ADAMTS17: variants seen among roughly 807,000 people sequenced by gnomAD.
The protein encoded by ADAMTS17 is A disintegrin and metalloproteinase with thrombospondin motifs 17.
ADAMTS17 carries 113 observed loss-of-function variants against 141.5 expected under a neutral mutation model. The ratio of observed to expected loss-of-function variants is 0.80; its 90% CI spans 0.69 to 0.93. The LOEUF is 0.93. ADAMTS17 is among the 40% of genes least tolerant of loss of function. The probability of loss-of-function intolerance (pLI) is 0.00; values close to 1 mark genes in which losing one functional copy is unlikely to be tolerated. For synonymous variants in ADAMTS17, 768 were observed against 630.6 expected, an observed-to-expected ratio of 1.22 and a Z score of -3.27; for missense variants, 1,659 against 1,517.9, an observed-to-expected ratio of 1.09 and a Z score of -1.54.
chr15:100,252,090 G>A (rs568028214), intron 7 of ADAMTS17, among the ~76,000 whole-genome samples: 4 of 152,186 alleles, frequency 2.6e-5, no homozygotes, highest in Non-Finnish European at 2.9e-5. Flanking sequence ...TGCTTGATTC[G>A]AAGTAGCTGC....
intron 4 of ADAMTS17, among the ~76,000 whole-genome samples, chr15:100,267,675 C>A (rs1016189374): frequency 2.0e-5 from 3 of 148,936 alleles, no homozygotes; most frequent in South Asian, 2.1e-4. Flanking sequence ...CCTTGCCCCC[C>A]TCCCTGTCTC....
In ADAMTS17 at chr15:99,972,861, G is replaced by A. The variant is rs1183542723; in HGVS notation, c.*1541C>T. 2 of 152,216 alleles carry A rather than the reference G, an allele frequency of 1.3e-5. No individual in the cohort carries two copies. Among genetic ancestry groups the A allele is most frequent in the African/African-American group, 4.8e-5 (2 of 41,452 alleles). The allele number at this position is 152,216 out of a possible 1,614,324, so 9.4% of individuals were successfully genotyped here. On this transcript the variant is annotated 3_prime_UTR_variant, in exon 22 of 22. Coordinates refer to ENST00000268070, the MANE Select transcript of ADAMTS17 (RefSeq NM_139057.4). Reference sequence around the variant, plus strand: ...TCTGATTTAAGCTAACTCTACGGTTGTGACATGTAACAAAACAAAACACAG... The same window carrying A: ...TCTGATTTAAGCTAACTCTACGGTTATGACATGTAACAAAACAAAACACAG...
chr15:100,148,125 C>T (rs2038995592), intron 10 of ADAMTS17, among the ~76,000 whole-genome samples: 1 of 152,238 alleles, frequency 6.6e-6, no homozygotes, highest in South Asian at 2.1e-4. Flanking sequence ...GAAAATCTCC[C>T]CATCTCAAGA....
intron 6 of ADAMTS17, among the ~76,000 whole-genome samples, chr15:100,255,791 C>T (rs1380127504): frequency 3.3e-5 from 5 of 152,326 alleles, no homozygotes; most frequent in Middle Eastern, 3.4e-3. Context: ...CCAAGGCAGG[C>T]GCCATTTTGC....
intron 2 of ADAMTS17, among the ~76,000 whole-genome samples, chr15:100,334,420 T>C (rs983303478): frequency 7.2e-5 from 11 of 152,186 alleles, no homozygotes; most frequent in African/African-American, 2.7e-4. Flanking sequence ...TCAGGTCTCC[T>C]TCTCTAGGTC....
At position 100,123,710 on chromosome 15, in the gene ADAMTS17, T is replaced by C. The variant is rs531390777; in HGVS notation, c.1722-6697A>G. Among the ~76,000 whole-genome samples the C allele has an allele frequency of 9.2e-5, 14 of 152,248 alleles. 1 individual carries two copies. The South Asian group carries it at 2.5e-3, about 27-fold the overall frequency. The stretch of plus-strand genomic sequence containing the variant: ...GGTGCTCCTGACTGCACCCTTTGGG[T>C]GAGGAAATCAACGCTCCAACAGGTG... On this transcript the variant is annotated intron_variant, in intron 12 of 21. Transcript: ENST00000268070.
intron 15 of ADAMTS17, among the ~76,000 whole-genome samples, chr15:100,068,124 G>C (rs1028256784): frequency 1.3e-5 from 2 of 152,186 alleles, no homozygotes; most frequent in African/African-American, 4.8e-5. Flanking sequence ...ATGTCTCGGA[G>C]GGTCCTACAC....
At chr15:100,177,774 T>C (rs570692696) in intron 8 of ADAMTS17, among the ~76,000 whole-genome samples, 82 of 152,318 alleles carry the variant, frequency 5.4e-4, no homozygotes, top group African/African-American at 1.8e-3. Context: ...CATCTAGCTA[T>C]AATTGTGGAT....
intron 7 of ADAMTS17, among the ~76,000 whole-genome samples, chr15:100,201,320 G>A (rs973340641): frequency 6.6e-6 from 1 of 151,046 alleles, no homozygotes; most frequent in African/African-American, 2.4e-5. Flanking sequence ...GGAGTGTTTG[G>A]TAGTTCTTCC....
chr15:100,106,065 C>T (rs2036397603), intron 14 of ADAMTS17, among the ~76,000 whole-genome samples: 1 of 152,012 alleles, frequency 6.6e-6, no homozygotes, highest in East Asian at 1.9e-4. Context: ...GGCAAAATCT[C>T]GATTCACTGC....
At position 100,195,256 on chromosome 15, in the gene ADAMTS17, T is replaced by C. The variant is rs150443053; in HGVS notation, c.1181+4062A>G. On this transcript the variant is annotated intron_variant, in intron 8 of 21. Transcript: ENST00000268070. ...CTCACACAGCACCTGCACCAGGACT[T>C]GCCATCCCCCAGCTCGTGTCCGCAG... is the stretch of plus-strand genomic sequence containing the variant. Among the ~76,000 whole-genome samples, 221 of 152,312 alleles carry C rather than the reference T, an allele frequency of 1.5e-3. 2 individuals carry two copies. The highest frequency in any genetic ancestry group is 5.1e-3 in the African/African-American group (212 of 41,570).
intron 3 of ADAMTS17, among the ~76,000 whole-genome samples, chr15:100,308,608 G>A (rs948423852): frequency 6.6e-6 from 1 of 152,152 alleles, no homozygotes; most frequent in Non-Finnish European, 1.5e-5. Context: ...AAACTGGAAT[G>A]TCTTCAAGAA....
rs570731067 is a variant in ADAMTS17 at position 100,184,887 on chromosome 15, C to T, written c.1181+14431G>A. On this transcript the variant is annotated intron_variant, in intron 8 of 21. Transcript: ENST00000268070. ...GTCCTGTCCCACTGTGGCCTGGGCT[C>T]GCCACCTCTCCTCCTCCCGGCCCCA... Among the ~76,000 whole-genome samples the T allele has an allele frequency of 3.9e-5, 6 of 152,278 alleles. No homozygotes were observed. In the East Asian group the frequency reaches 1.2e-3, roughly 29 times the overall value.
rs1042592635 is a variant in ADAMTS17 at position 100,162,820 on chromosome 15, TTA to T, written c.1182-7502_1182-7501del. ...CACAGTATATATGCACACATACACATTATATATATGTGTATAACTATATATAG... is the reference window on the plus strand; with the variant it reads ...CACAGTATATATGCACACATACACATTATATATGTGTATAACTATATATAG... On this transcript the variant is annotated intron_variant, in intron 8 of 21. Coordinates refer to ENST00000268070, the MANE Select transcript of ADAMTS17 (RefSeq NM_139057.4). 3.7e-4 allele frequency among the ~76,000 whole-genome samples: 52 copies of T among 141,622 alleles called. 2 individuals carry two copies. Among genetic ancestry groups the T allele is most frequent in the African/African-American group, 1.0e-3 (41 of 39,510 alleles). The allele number at this position is 141,622 out of a possible 152,430, so 92.9% of individuals were successfully genotyped here.
chr15:100,006,137 A>G (rs191466458), intron 18 of ADAMTS17, among the ~76,000 whole-genome samples: 3 of 152,334 alleles, frequency 2.0e-5, no homozygotes, highest in East Asian at 3.9e-4. Flanking sequence ...ATAAGGTCAC[A>G]TTCTGAGATA....
chr15:100,312,284 A>C (rs1462632840), intron 3 of ADAMTS17, among the ~76,000 whole-genome samples: 1 of 152,212 alleles, frequency 6.6e-6, no homozygotes, highest in African/African-American at 2.4e-5. Context: ...AGAGTGACGC[A>C]GTGTGAAAAA....
chr15:100,335,221 G>A (rs1249230461), intron 2 of ADAMTS17, among the ~76,000 whole-genome samples: 1 of 152,126 alleles, frequency 6.6e-6, no homozygotes, highest in Non-Finnish European at 1.5e-5. Flanking sequence ...GAGAACCACT[G>A]CTCTAGGATC....
intron 7 of ADAMTS17, among the ~76,000 whole-genome samples, chr15:100,222,687 G>A (rs1286766602): frequency 2.0e-5 from 3 of 152,192 alleles, no homozygotes; most frequent in Non-Finnish European, 4.4e-5. Context: ...GTTGTTACAC[G>A]ACTGAGGGGT....
chr15:100,077,741 C>A (rs1255441559), intron 15 of ADAMTS17, among the ~76,000 whole-genome samples: 1 of 152,278 alleles, frequency 6.6e-6, no homozygotes, highest in East Asian at 1.9e-4. Context: ...CCATTCAACA[C>A]TGTACTGGGA....
Sources: allele counts gnomAD v4.1 joint callset (sites outside exome capture counted in the v4.1 genomes callset), GRCh38; gene constraint gnomAD v4.1.1; transcripts MANE v1.5; gene names NCBI Gene and HGNC (gene_info 2026-07-23, HGNC 2026-07-21).